The following IGSF3 variants were observed in gnomAD, a reference collection of about 807,000 sequenced individuals.
IGSF3 encodes the protein glu-Trp-Ile EWI motif-containing protein 3.
Under a neutral mutation model 114.4 loss-of-function variants are expected in IGSF3, and 23 were observed. The ratio of observed to expected loss-of-function variants is 0.20; its 90% CI spans 0.14 to 0.28. The LOEUF (loss-of-function observed/expected upper bound fraction) is 0.28, where lower values mean the gene tolerates loss of function less well. IGSF3 is among the 10% of genes least tolerant of loss of function. IGSF3 has a pLI of 1.00. For synonymous variants in IGSF3, 571 were observed against 645.2 expected, an observed-to-expected ratio of 0.88 and a Z score of 1.74; for missense variants, 1,172 against 1,591.5, an observed-to-expected ratio of 0.74 and a Z score of 4.48.
chr1:116,652,587 T>C (rs1043310954), intron 2 of IGSF3, among the ~76,000 whole-genome samples: 1 of 152,118 alleles, frequency 6.6e-6, no homozygotes, highest in African/African-American at 2.4e-5. Flanking sequence ...AGGAGGTAGG[T>C]AGAAATAGAA....
rs1465758158 is a variant in IGSF3, at chr1:116,649,472, T to G, written c.43+16812A>C. Among the ~76,000 whole-genome samples the G allele has an allele frequency of 5.3e-5, 8 of 152,218 alleles. No homozygotes were observed. The highest frequency in any genetic ancestry group is 1.3e-4 in the Admixed American group (2 of 15,272). On this transcript the variant is annotated intron_variant, in intron 2 of 10. Transcript: ENST00000369486. The surrounding 1 kb of genome is among the most constrained non-coding windows in gnomAD (Gnocchi z 4.5). The stretch of plus-strand genomic sequence containing the variant: ...ATCTTTCCTCATTACCTCAAAGCCA[T>G]AGTGGCAAAAGGCAAACAGCATCTT...
rs1027231377 is a variant in IGSF3 at position 116,595,749 on chromosome 1, C to T, written c.2029+4192G>A. On this transcript the variant is annotated intron_variant, in intron 7 of 10. Coordinates refer to ENST00000369486, the MANE Select transcript of IGSF3 (RefSeq NM_001007237.3). The surrounding 1 kb of genome is among the most constrained non-coding windows in gnomAD (Gnocchi z 4.2). ...TAAACATTTGGAAAATGAGTGCTAACATTTCCCTTACTGCTTCTGTATTTA... is the reference window on the plus strand; with the variant it reads ...TAAACATTTGGAAAATGAGTGCTAATATTTCCCTTACTGCTTCTGTATTTA... Among the ~76,000 whole-genome samples the T allele has an allele frequency of 6.6e-6, 1 of 152,206 alleles. No homozygotes were observed. Among genetic ancestry groups the T allele is most frequent in the African/African-American group, 2.4e-5 (1 of 41,450 alleles).
Position 116,600,600 on chromosome 1 carries a change from G to A in IGSF3, c.1625-255C>T, listed in dbSNP as rs1282218616. 6.6e-6 allele frequency among the ~76,000 whole-genome samples: 1 copy of A among 152,094 alleles called. No homozygotes were observed. Among genetic ancestry groups the A allele is most frequent in the Non-Finnish European group, 1.5e-5 (1 of 68,034 alleles). On this transcript the variant is annotated intron_variant, in intron 6 of 10. Coordinates refer to ENST00000369486, the MANE Select transcript of IGSF3 (RefSeq NM_001007237.3). This position sits in a 1 kb window ranked among gnomAD's most constrained non-coding sequence, Gnocchi z 5.5. ...CCTAACCCTTCCCAGTGAGATCCTC[G>A]TGCATTTGCTCCTCCCCTGGAATTA... is the stretch of plus-strand genomic sequence containing the variant.
rs918146847 is a variant in IGSF3, at chr1:116,647,701, C to T, written c.43+18583G>A. Reference sequence around the variant, plus strand: ...CTGGGCGGACAGAGGCAAGGATGACCGGAACAAGACAAACAAACGAAAGGC... The same window carrying T: ...CTGGGCGGACAGAGGCAAGGATGACTGGAACAAGACAAACAAACGAAAGGC... On this transcript the variant is annotated intron_variant, in intron 2 of 10. Coordinates refer to ENST00000369486, the MANE Select transcript of IGSF3 (RefSeq NM_001007237.3). The surrounding 1 kb of genome is among the most constrained non-coding windows in gnomAD (Gnocchi z 4.6). Among the ~76,000 whole-genome samples the T allele has an allele frequency of 6.6e-6, 1 of 152,168 alleles. No homozygotes were observed. Among genetic ancestry groups the T allele is most frequent in the Non-Finnish European group, 1.5e-5 (1 of 68,032 alleles).
At chr1:116,645,916 G>A (rs1393246457) in intron 2 of IGSF3, among the ~76,000 whole-genome samples, 1 of 152,244 alleles carries the variant, frequency 6.6e-6, no homozygotes, top group African/African-American at 2.4e-5. Context: ...TGGGGCCCTG[G>A]AAGCCATGGA....
intron 9 of IGSF3, among the ~76,000 whole-genome samples, chr1:116,581,844 GC>G (rs574883171): frequency 3.1e-4 from 47 of 152,300 alleles, no homozygotes; most frequent in Non-Finnish European, 6.2e-4. Flanking sequence ...CCATTAGAGA[GC>G]CCTACTAGAG....
rs1271160705 is a variant in IGSF3, at chr1:116,600,258, T to C, written c.1712A>G (p.His571Arg). 1.9e-6 allele frequency: 3 copies of C among 1,614,004 alleles called. No individual in the cohort carries two copies. Among genetic ancestry groups the C allele is most frequent in the South Asian group, 1.1e-5 (1 of 91,080 alleles). ...CGACACGGGGACCCAGGCAGGGTAG[T>C]GGGGTTTGATGATACACTGCAAGTC... ...SFDLQCIIKP[H>R]YPAWVPVSVT... Residue 571 changes from histidine to arginine, a missense_variant, in exon 7 of 11, where the codon CAC (histidine) becomes CGC (arginine). Around this residue, in one of 3 missense-constraint regions of IGSF3, gnomAD observed 736 missense variants for 1,042.0 expected, o/e 0.71. Transcript: ENST00000369486. This position sits in a 1 kb window ranked among gnomAD's most constrained non-coding sequence, Gnocchi z 5.5.
At chr1:116,578,120 T>C (rs1222485182) in intron 10 of IGSF3, among the ~76,000 whole-genome samples, 2 of 152,126 alleles carry the variant, frequency 1.3e-5, no homozygotes, top group Non-Finnish European at 2.9e-5. Flanking sequence ...ACAGTATTAG[T>C]TATAGCTGGA....
chr1:116,661,176 C>T lies in IGSF3; in HGVS notation c.43+5108G>A, dbSNP rs1298667227. ...GGTGTGGTGGTGTGTGCCTGTAATC[C>T]CAGCTACTCGGGAGGCTGAGGCAGG... On this transcript the variant is annotated intron_variant, in intron 2 of 10. Transcript: ENST00000369486. This position sits in a 1 kb window ranked among gnomAD's most constrained non-coding sequence, Gnocchi z 4.0. 6.6e-6 allele frequency among the ~76,000 whole-genome samples: 1 copy of T among 152,068 alleles called. No homozygotes were observed. The highest frequency in any genetic ancestry group is 1.5e-5 in the Non-Finnish European group (1 of 68,008).
chr1:116,599,024 T>C (rs1660459275), intron 7 of IGSF3, among the ~76,000 whole-genome samples: 1 of 152,110 alleles, frequency 6.6e-6, no homozygotes. Context: ...CCCATACAAC[T>C]GGACAGGGCC....
intron 6 of IGSF3, among the ~76,000 whole-genome samples, chr1:116,602,971 G>A (rs201289982): frequency 4.6e-5 from 7 of 152,276 alleles, no homozygotes; most frequent in Non-Finnish European, 8.8e-5. Context: ...TATGGGCCCC[G>A]TCAGGTAGTA....
rs1406715325 is a variant in IGSF3 at position 116,655,616 on chromosome 1, C to T, written c.43+10668G>A. On this transcript the variant is annotated intron_variant, in intron 2 of 10. Coordinates refer to ENST00000369486, the MANE Select transcript of IGSF3 (RefSeq NM_001007237.3). The surrounding 1 kb of genome is among the most constrained non-coding windows in gnomAD (Gnocchi z 4.3). ...AGCCCGTAGCCAGCAACCTTAAAGG[C>T]TACTCGGGTCCAGTTCATTCTATCT... Among the ~76,000 whole-genome samples the T allele has an allele frequency of 1.3e-5, 2 of 152,206 alleles. No homozygotes were observed. Among genetic ancestry groups the T allele is most frequent in the East Asian group, 3.8e-4 (2 of 5,202 alleles).
Position 116,603,472 on chromosome 1 carries a change from A to T in IGSF3, c.1624+152T>A, listed in dbSNP as rs998443600. On this transcript the variant is annotated intron_variant, in intron 6 of 10. Coordinates refer to ENST00000369486, the MANE Select transcript of IGSF3 (RefSeq NM_001007237.3). The surrounding 1 kb of genome is among the most constrained non-coding windows in gnomAD (Gnocchi z 7.1). ...TTAATTAAACCCTTATAAGAAATAA[A>T]ATAGACATAAAGGAAAGTACTTCAA... The T allele has an allele frequency of 5.4e-6, 4 of 744,984 alleles. No homozygotes were observed. The highest frequency in any genetic ancestry group is 8.7e-6 in the Non-Finnish European group (4 of 459,310). The allele number at this position is 744,984 out of a possible 1,614,324, so 46.1% of individuals were successfully genotyped here. A position where few individuals can be genotyped will look rare whatever the true frequency, so the allele number is the denominator to read the frequency against.
chr1:116,667,122 C>A (rs1571204353), intron 1 of IGSF3, among the ~76,000 whole-genome samples, 166 bp from the exon 2 acceptor site: 1 of 152,220 alleles, frequency 6.6e-6, no homozygotes, highest in Admixed American at 6.5e-5. Context: ...GCCTCAGTTT[C>A]CCTGCCCAGA....
At chr1:116,599,808 T>G (rs1660494173) in intron 7 of IGSF3, 133 bp downstream of exon 7, 1 of 738,370 alleles carries the variant, frequency 1.4e-6, no homozygotes, top group Non-Finnish European at 2.2e-6. Context: ...AACTTCCTAT[T>G]GATTTGCAAT....
rs898465468 is a variant in IGSF3, at chr1:116,575,578, C to T, written c.*1734G>A. 6.6e-6 allele frequency: 1 copy of T among 152,254 alleles called. No individual in the cohort carries two copies. The highest frequency in any genetic ancestry group is 2.4e-5 in the African/African-American group (1 of 41,452). 9.4% of individuals were successfully genotyped at this position (152,254 alleles called of 1,614,324 possible). A position where few individuals can be genotyped will look rare whatever the true frequency, so the allele number is the denominator to read the frequency against. On this transcript the variant is annotated 3_prime_UTR_variant, in exon 11 of 11. Transcript: ENST00000369486. This position sits in a 1 kb window ranked among gnomAD's most constrained non-coding sequence, Gnocchi z 5.6. ...TGCTCGTTCTCAGAACAGGGCTTCA[C>T]TGGAATCTTTTATCAGACTTAGTTC...
intron 4 of IGSF3, among the ~76,000 whole-genome samples, chr1:116,608,583 G>A (rs535501492): frequency 1.3e-5 from 2 of 152,280 alleles, no homozygotes; most frequent in Non-Finnish European, 1.5e-5. Context: ...TGTTACCCCA[G>A]TTAAGACCAA....
At chr1:116,623,411 C>T (rs1362122789) in intron 2 of IGSF3, among the ~76,000 whole-genome samples, 1 of 152,184 alleles carries the variant, frequency 6.6e-6, no homozygotes, top group Non-Finnish European at 1.5e-5. Context: ...ACTGGCCAGG[C>T]ACGGTGGCTC....
chr1:116,590,952 A>G (rs901800966), intron 7 of IGSF3, among the ~76,000 whole-genome samples: 1 of 152,220 alleles, frequency 6.6e-6, no homozygotes, highest in South Asian at 2.1e-4. Flanking sequence ...CATTCTCTCC[A>G]GGAAGACTTG....
Sources: allele counts gnomAD v4.1 joint callset (sites outside exome capture counted in the v4.1 genomes callset), GRCh38; gene constraint gnomAD v4.1.1; regional missense constraint gnomAD v4.1.1; non-coding constraint Gnocchi (gnomAD v3.1); transcripts MANE v1.5; gene names NCBI Gene and HGNC (gene_info 2026-07-23, HGNC 2026-07-21).